RBM17: variants seen among roughly 807,000 people sequenced by gnomAD.
RBM17 encodes the protein splicing factor 45.
RBM17 carries 7 observed loss-of-function variants against 53.2 expected under a neutral mutation model. The ratio of observed to expected loss-of-function variants is 0.13; its 90% confidence interval spans 0.07 to 0.25. The LOEUF is 0.25. Ranked by LOEUF, RBM17 falls within the 10% of genes least tolerant of loss-of-function variation. RBM17 has a pLI of 1.00. For missense variants in RBM17, 257 were observed against 496.7 expected (o/e 0.52, Z 4.59); for synonymous variants, 167 against 178.1 (o/e 0.94, Z 0.50).
At chr10:6,102,040 A>G (rs546460880) in intron 3 of RBM17, among the ~76,000 whole-genome samples, 2 of 152,364 alleles carry the variant, frequency 1.3e-5, no homozygotes, top group African/African-American at 2.4e-5. Flanking sequence ...ACTCAAAATC[A>G]TAGTTAAAAC....
intron 4 of RBM17, among the ~76,000 whole-genome samples, chr10:6,105,844 T>C (rs571942696): frequency 6.6e-6 from 1 of 152,352 alleles, no homozygotes; most frequent in East Asian, 1.9e-4. Context: ...GATTGAACTA[T>C]TACTATGTTG....
chr10:6,101,115 A>T (rs990084255), intron 2 of RBM17, among the ~76,000 whole-genome samples, 156 bp from the exon 3 acceptor site: 3 of 152,224 alleles, frequency 2.0e-5, no homozygotes, highest in Admixed American at 6.5e-5. Flanking sequence ...ATAATATATG[A>T]TTATAGTAAT....
Position 6,117,283 on chromosome 10 carries a change from A to T in RBM17, c.*1727A>T, listed in dbSNP as rs895994978. 6.6e-6 allele frequency: 1 copy of T among 152,314 alleles called. No homozygotes were observed. Among genetic ancestry groups the T allele is most frequent in the South Asian group, 2.1e-4 (1 of 4,794 alleles). 9.4% of individuals were successfully genotyped at this position (152,314 alleles called of 1,614,324 possible). A position where few individuals can be genotyped will look rare whatever the true frequency, so the allele number is the denominator to read the frequency against. On this transcript the variant is annotated 3_prime_UTR_variant, in exon 12 of 12. Coordinates refer to ENST00000379888, the MANE Select transcript of RBM17 (RefSeq NM_032905.5). The stretch of plus-strand genomic sequence containing the variant: ...CTTTTATTTTTAAAATAACTGTGTT[A>T]ATCAGTTAGTGCTTTATTTATAATG...
At position 6,115,773 on chromosome 10, in the gene RBM17, G is replaced by C; in HGVS notation, c.*217G>C. On this transcript the variant is annotated 3_prime_UTR_variant, in exon 12 of 12. Transcript: ENST00000379888. Reference sequence around the variant, plus strand: ...AAACAACAATCTGTGTGCCTCTCTGGTTGTTTCTCTTTTTTATTATTACTC... The same window carrying C: ...AAACAACAATCTGTGTGCCTCTCTGCTTGTTTCTCTTTTTTATTATTACTC... The C allele has an allele frequency of 2.7e-6, 1 of 374,340 alleles. No homozygotes were observed. The highest frequency in any genetic ancestry group is 9.7e-5 in the South Asian group (1 of 10,282). 23.2% of individuals were successfully genotyped at this position (374,340 alleles called of 1,614,324 possible). A position where few individuals can be genotyped will look rare whatever the true frequency, so the allele number is the denominator to read the frequency against.
intron 5 of RBM17, among the ~76,000 whole-genome samples, chr10:6,107,264 A>C (rs1369727278): frequency 1.3e-5 from 2 of 151,132 alleles, no homozygotes; most frequent in African/African-American, 2.4e-5. Context: ...ACAACCTGCA[A>C]CCTCCTGGGT....
rs898287420 is a variant in RBM17 at position 6,089,602 on chromosome 10, C to G, written c.-19+409C>G. The G allele has an allele frequency of 1.3e-5, 2 of 152,628 alleles. No individual in the cohort carries two copies. Among genetic ancestry groups the G allele is most frequent in the African/African-American group, 4.8e-5 (2 of 41,476 alleles). The allele number at this position is 152,628 out of a possible 1,614,324, so 9.5% of individuals were successfully genotyped here. Reference sequence around the variant, plus strand: ...CCTGGCCCTGCACGGTTGCCCCTCTCTGGGGCTCGGAGCCGGTTCCTCCCG... The same window carrying G: ...CCTGGCCCTGCACGGTTGCCCCTCTGTGGGGCTCGGAGCCGGTTCCTCCCG... On this transcript the variant is annotated intron_variant, in intron 1 of 11. Coordinates refer to ENST00000379888, the MANE Select transcript of RBM17 (RefSeq NM_032905.5). This position sits in a 1 kb window ranked among gnomAD's most constrained non-coding sequence, Gnocchi z 5.6.
chr10:6,091,934 TGA>T (rs2132935897), intron 1 of RBM17, among the ~76,000 whole-genome samples: 1 of 152,298 alleles, frequency 6.6e-6, no homozygotes, highest in Non-Finnish European at 1.5e-5. Flanking sequence ...GGGGTGCTTC[TGA>T]GAAGACTCTT....
At chr10:6,100,098 G>A (rs1472749936) in intron 2 of RBM17, among the ~76,000 whole-genome samples, 8 of 151,950 alleles carry the variant, frequency 5.3e-5, no homozygotes, top group Admixed American at 1.3e-4. Flanking sequence ...TCCCCCTTCC[G>A]TTCTGTAAAC....
Position 6,106,225 on chromosome 10 carries a change from G to A in RBM17, c.492G>A (p.Glu164=). Residue 164 remains glutamate, a synonymous_variant, in exon 5 of 12, where the codon GAG becomes GAA. Coordinates refer to ENST00000379888, the MANE Select transcript of RBM17 (RefSeq NM_032905.5). The part of the protein sequence containing the change: ...DSDEDEDYER[E]RRKRSMGGAA... ...ATGAAGATGAAGATTATGAGCGAGA[G>A]AGGAGGAAAAGAAGTAAGGCATGAA... is the stretch of plus-strand genomic sequence containing the variant. 6.2e-7 allele frequency: 1 copy of A among 1,611,772 alleles called. No individual in the cohort carries two copies. The highest frequency in any genetic ancestry group is 8.5e-7 in the Non-Finnish European group (1 of 1,177,980).
chr10:6,109,092 T>C (rs1564569002), intron 6 of RBM17, among the ~76,000 whole-genome samples: 1 of 152,204 alleles, frequency 6.6e-6, no homozygotes, highest in Non-Finnish European at 1.5e-5. Flanking sequence ...GAGGCTGTTA[T>C]ATTCATGATC....
intron 3 of RBM17, among the ~76,000 whole-genome samples, chr10:6,103,249 G>T (rs764765984): frequency 3.9e-5 from 6 of 152,120 alleles, no homozygotes; most frequent in Non-Finnish European, 8.8e-5. Context: ...GCATATGAGG[G>T]TGAATTTTAC....
At chr10:6,098,662 G>A (rs1368359591) in intron 2 of RBM17, among the ~76,000 whole-genome samples, 1 of 126,980 alleles carries the variant, frequency 7.9e-6, no homozygotes, top group Non-Finnish European at 1.6e-5. Context: ...TGCAAGCTCC[G>A]CCTCCCAGGT....
chr10:6,101,695 A>G (rs1840671791), intron 3 of RBM17, among the ~76,000 whole-genome samples: 1 of 152,112 alleles, frequency 6.6e-6, no homozygotes, highest in African/African-American at 2.4e-5. Context: ...ACCTTCTGCT[A>G]ACTTGCTTTT....
rs761185439 is a variant in RBM17, at chr10:6,115,562, A to G, written c.*6A>G. 1 of 1,547,956 alleles carries G rather than the reference A, an allele frequency of 6.5e-7. No individual in the cohort carries two copies. Among genetic ancestry groups the G allele is most frequent in the East Asian group, 2.2e-5 (1 of 44,598 alleles). On this transcript the variant is annotated 3_prime_UTR_variant, in exon 12 of 12. Transcript: ENST00000379888. ...ATTTGGCAGAACAAGTTTGATTTTA[A>G]GAACTAGAGCACGAGTCATCTCCGG...
chr10:6,114,287 C>T, intron 10 of RBM17, 140 bp downstream of exon 10: 3 of 555,344 alleles, frequency 5.4e-6, no homozygotes, highest in Non-Finnish European at 9.8e-6. Context: ...TTGTACTTCT[C>T]TTGCTCAATT....
At chr10:6,090,461 A>G (rs1840465534) in intron 1 of RBM17, among the ~76,000 whole-genome samples, 2 of 152,364 alleles carry the variant, frequency 1.3e-5, no homozygotes, top group South Asian at 2.1e-4. Flanking sequence ...CGTGCTGTCC[A>G]GTTTATAACA....
intron 2 of RBM17, among the ~76,000 whole-genome samples, chr10:6,098,127 T>C (rs1238773317): frequency 6.6e-6 from 1 of 152,162 alleles, no homozygotes; most frequent in Non-Finnish European, 1.5e-5. Flanking sequence ...AGAATGGTAT[T>C]ATGGTTTGTT....
Position 6,115,646 on chromosome 10 carries a change from C to A in RBM17, c.*90C>A. On this transcript the variant is annotated 3_prime_UTR_variant, in exon 12 of 12. Transcript: ENST00000379888. ...AGGAAAAAGGTCACAGCCTCCATGGCTGTTGCATACCAAGACTCTTGGAAG... is the reference window on the plus strand; with the variant it reads ...AGGAAAAAGGTCACAGCCTCCATGGATGTTGCATACCAAGACTCTTGGAAG... The A allele has an allele frequency of 2.6e-6, 2 of 775,296 alleles. No homozygotes were observed. Among genetic ancestry groups the A allele is most frequent in the East Asian group, 2.4e-5 (1 of 40,994 alleles). 48.0% of individuals were successfully genotyped at this position (775,296 alleles called of 1,614,324 possible). A position where few individuals can be genotyped will look rare whatever the true frequency, so the allele number is the denominator to read the frequency against.
At chr10:6,111,715 C>T (rs1242991797) in intron 7 of RBM17, among the ~76,000 whole-genome samples, 1 of 152,188 alleles carries the variant, frequency 6.6e-6, no homozygotes, top group Non-Finnish European at 1.5e-5. Flanking sequence ...TAATCTTGGC[C>T]TCCGTTTATT....
Sources: allele counts gnomAD v4.1 joint callset (sites outside exome capture counted in the v4.1 genomes callset), GRCh38; gene constraint gnomAD v4.1.1; non-coding constraint Gnocchi (gnomAD v3.1); transcripts MANE v1.5; gene names NCBI Gene and HGNC (gene_info 2026-07-23, HGNC 2026-07-21).